Variants in PDE11A observed in about 807,000 individuals in gnomAD.
PDE11A encodes the protein phosphodiesterase 11A, also known as dual 3',5'-cyclic-AMP and -GMP phosphodiesterase 11A.
PDE11A carries 100 observed loss-of-function variants against 100.5 expected under a neutral mutation model. The ratio of observed to expected loss-of-function variants is 1.00; its 90% CI spans 0.85 to 1.18. PDE11A has a LOEUF of 1.18. Ranked by LOEUF, PDE11A falls within the 50% of genes most tolerant of loss-of-function variation. PDE11A has a pLI of 0.00. For synonymous variants in PDE11A, 381 were observed against 420.8 expected (o/e 0.91, Z 1.16); for missense variants, 1,141 against 1,152.6 (o/e 0.99, Z 0.15).
At chr2:177,846,779 T>C (rs1289536524) in intron 5 of PDE11A, among the ~76,000 whole-genome samples, 1 of 152,216 alleles carries the variant, frequency 6.6e-6, no homozygotes, top group African/African-American at 2.4e-5. Context: ...GACATTTGTA[T>C]GGGCTTTCAA....
At chr2:178,031,634 A>T (rs1018624674) in intron 1 of PDE11A, among the ~76,000 whole-genome samples, 5 of 152,194 alleles carry the variant, frequency 3.3e-5, no homozygotes, top group Non-Finnish European at 7.3e-5. Context: ...TGAAAACTAA[A>T]AAAAAGACTT....
chr2:178,006,023 A>C (rs13026481), intron 2 of PDE11A, among the ~76,000 whole-genome samples: 8,463 of 152,268 alleles, frequency 0.056, 297 homozygotes, highest in South Asian at 0.093. Context: ...ATTTCTGCTG[A>C]AAGGGGCCTG....
At chr2:178,037,427 T>C (rs768101573) in intron 1 of PDE11A, among the ~76,000 whole-genome samples, 4 of 151,872 alleles carry the variant, frequency 2.6e-5, no homozygotes, top group Non-Finnish European at 5.9e-5. Flanking sequence ...TTGGTGGGAG[T>C]GTAAATTAGT....
chr2:177,949,136 T>C (rs2085477119), intron 2 of PDE11A, among the ~76,000 whole-genome samples: 1 of 152,128 alleles, frequency 6.6e-6, no homozygotes, highest in Admixed American at 6.5e-5. Context: ...AATGCCAAAT[T>C]TCAGTCTCAT....
chr2:177,643,237 T>G (rs761422307), intron 19 of PDE11A, among the ~76,000 whole-genome samples: 1 of 152,086 alleles, frequency 6.6e-6, no homozygotes, highest in African/African-American at 2.4e-5. Flanking sequence ...CAGAAGAAGA[T>G]AGGAAAATGT....
chr2:177,807,802 T>C (rs1355186589), intron 9 of PDE11A, among the ~76,000 whole-genome samples: 1 of 152,222 alleles, frequency 6.6e-6, no homozygotes, highest in African/African-American at 2.4e-5. Flanking sequence ...CTCAGAAAAC[T>C]ATCTGACTAA....
At chr2:177,864,392 G>A (rs138007318) in intron 5 of PDE11A, among the ~76,000 whole-genome samples, 10 of 152,158 alleles carry the variant, frequency 6.6e-5, no homozygotes, top group African/African-American at 1.2e-4. Flanking sequence ...GTGAGATGAC[G>A]GCTATGTTAA....
Position 177,838,735 on chromosome 2 carries a change from C to T in PDE11A, c.1500+1516G>A, listed in dbSNP as rs2083443296. On this transcript the variant is annotated intron_variant, in intron 6 of 19. Coordinates refer to ENST00000286063, the MANE Select transcript of PDE11A (RefSeq NM_016953.4). ...TGATATAAAATCAGTCCTAACTCAA[C>T]CACAATGGAAAAGTATATAAATGTT... is the stretch of plus-strand genomic sequence containing the variant. Among the ~76,000 whole-genome samples the T allele has an allele frequency of 2.6e-5, 4 of 152,160 alleles. No individual in the cohort carries two copies. In the South Asian group the frequency reaches 8.3e-4, roughly 32 times the overall value.
chr2:177,796,097 T>C (rs1411235989), intron 9 of PDE11A, among the ~76,000 whole-genome samples: 1 of 151,532 alleles, frequency 6.6e-6, no homozygotes, highest in African/African-American at 2.4e-5. Context: ...TAAGTCTTTT[T>C]GGAAAGGCCT....
chr2:177,734,533 C>T (rs2081744505), intron 10 of PDE11A, among the ~76,000 whole-genome samples: 1 of 152,108 alleles, frequency 6.6e-6, no homozygotes, highest in South Asian at 2.1e-4. Flanking sequence ...TTTAAATTCT[C>T]CTGGCAATTG....
chr2:177,850,266 G>C (rs947702158), intron 5 of PDE11A, among the ~76,000 whole-genome samples: 18 of 152,178 alleles, frequency 1.2e-4, no homozygotes, highest in African/African-American at 4.3e-4. Flanking sequence ...ACAAACCTGA[G>C]AAAAACAAGA....
intron 2 of PDE11A, among the ~76,000 whole-genome samples, chr2:178,013,220 T>C (rs772978499): frequency 1.3e-5 from 2 of 152,184 alleles, no homozygotes; most frequent in Non-Finnish European, 2.9e-5. Flanking sequence ...GTGTAGCTCC[T>C]GGATGACATA....
chr2:177,818,761 A>G (rs184369987), intron 7 of PDE11A, among the ~76,000 whole-genome samples: 1 of 152,140 alleles, frequency 6.6e-6, no homozygotes, highest in East Asian at 1.9e-4. Flanking sequence ...CTAGTATTAT[A>G]CCAGATGTTT....
At chr2:178,083,661 G>T (rs193199761) in intron 2 of PDE11A, among the ~76,000 whole-genome samples, 3 of 152,200 alleles carry the variant, frequency 2.0e-5, no homozygotes, top group Non-Finnish European at 4.4e-5. Context: ...CCTTTGATTG[G>T]CTGTACAACT....
At chr2:177,738,837 G>C (rs1008714312) in intron 10 of PDE11A, among the ~76,000 whole-genome samples, 1 of 152,168 alleles carries the variant, frequency 6.6e-6, no homozygotes, top group Admixed American at 6.5e-5. Context: ...GAGAGAACTT[G>C]TTCACCAGCA....
rs188614786 is a variant in PDE11A at position 177,645,116 on chromosome 2, T to A, written c.2647-15554A>T. Among the ~76,000 whole-genome samples, 217 of 152,368 alleles carry A rather than the reference T, an allele frequency of 1.4e-3. 3 individuals carry two copies. Among genetic ancestry groups the A allele is most frequent in the Admixed American group, 0.014 (214 of 15,310 alleles). On this transcript the variant is annotated intron_variant, in intron 19 of 19. Coordinates refer to ENST00000286063, the MANE Select transcript of PDE11A (RefSeq NM_016953.4). ...AACCAGAGTGGCCATCTTGTGACTATGAGGCAAACTTGACTACGGCAGCCA... is the reference window on the plus strand; with the variant it reads ...AACCAGAGTGGCCATCTTGTGACTAAGAGGCAAACTTGACTACGGCAGCCA...
At chr2:177,680,621 G>A (rs1338893662) in intron 16 of PDE11A, among the ~76,000 whole-genome samples, 1 of 152,138 alleles carries the variant, frequency 6.6e-6, no homozygotes, top group African/African-American at 2.4e-5. Context: ...TTTGATGGCA[G>A]ATTTTTGAGA....
At chr2:177,685,554 T>G (rs2080933890) in intron 15 of PDE11A, among the ~76,000 whole-genome samples, 1 of 152,132 alleles carries the variant, frequency 6.6e-6, no homozygotes, top group Non-Finnish European at 1.5e-5. Context: ...TTTTCTCTTT[T>G]TTTTGTTTTT....
At chr2:177,736,137 T>C (rs1016886088) in intron 10 of PDE11A, among the ~76,000 whole-genome samples, 1 of 152,012 alleles carries the variant, frequency 6.6e-6, no homozygotes, top group African/African-American at 2.4e-5. Flanking sequence ...AATGGGTCTA[T>C]CTATTTTGAA....
Sources: gnomAD v4.1 joint callset for allele counts (sites outside exome capture counted in the v4.1 genomes callset) on GRCh38, gnomAD v4.1.1 for gene constraint, MANE v1.5 for transcripts, NCBI Gene and HGNC (gene_info 2026-07-23, HGNC 2026-07-21) for gene names.